TMEM8B: variants seen among roughly 807,000 people sequenced by gnomAD.
The protein encoded by TMEM8B is nasopharyngeal carcinoma expressed 6.
TMEM8B carries 29 observed loss-of-function variants against 49.3 expected under a neutral mutation model. The observed-to-expected ratio is 0.59, with a 90% CI of 0.44 to 0.80. The LOEUF (loss-of-function observed/expected upper bound fraction) is 0.80, where lower values mean the gene tolerates loss of function less well. Ranked by LOEUF, TMEM8B falls within the 30% of genes least tolerant of loss-of-function variation. TMEM8B has a pLI of 0.00. For missense variants in TMEM8B, 575 were observed against 658.5 expected (o/e 0.87, Z 1.39); for synonymous variants, 264 against 272.8 (o/e 0.97, Z 0.32).
intron 10 of TMEM8B, among the ~76,000 whole-genome samples, chr9:35,852,328 G>T (rs1832215197): frequency 6.6e-6 from 1 of 152,186 alleles, no homozygotes; most frequent in Non-Finnish European, 1.5e-5. Context: ...CCCCGCATTT[G>T]TTGGGAAGGG....
Position 35,854,037 on chromosome 9 carries a change from C to T in TMEM8B, c.*197C>T. 1.5e-6 allele frequency: 2 copies of T among 1,308,794 alleles called. No homozygotes were observed. The highest frequency in any genetic ancestry group is 1.9e-6 in the Non-Finnish European group (2 of 1,034,000). 81.1% of individuals were successfully genotyped at this position (1,308,794 alleles called of 1,614,324 possible). ...TTCCTGAGGGCCTGGAGTCCCCCTG[C>T]ATCATGGAGTCCTTCTTAAGGACTG... On this transcript the variant is annotated 3_prime_UTR_variant, in exon 13 of 13. Transcript: ENST00000643932.
chr9:35,835,198 C>T lies in TMEM8B; in HGVS notation c.886C>T (p.His296Tyr), dbSNP rs1410936490. 2.4e-6 allele frequency: 1 copy of T among 415,702 alleles called. No individual in the cohort carries two copies. Among genetic ancestry groups the T allele is most frequent in the Non-Finnish European group, 4.4e-6 (1 of 226,448 alleles). 25.8% of individuals were successfully genotyped at this position (415,702 alleles called of 1,614,324 possible). The change falls in exon 3 of 13, where the codon CAC (histidine) becomes TAC (tyrosine). Residue 296 changes from histidine (H) to tyrosine (Y), a missense_variant. Coordinates refer to ENST00000643932, the MANE Select transcript of TMEM8B (RefSeq NM_001042590.4). ...WFLAAHLPQAHGHISVKGLQD... is the reference protein window; with the variant it reads ...WFLAAHLPQAYGHISVKGLQD... ...CTTGGCTGCCCACCTTCCCCAGGCC[C>T]ACGGCCACATCTCTGTCAAGGTGGG...
intron 6 of TMEM8B, among the ~76,000 whole-genome samples, chr9:35,844,671 G>A (rs1330291415): frequency 1.3e-5 from 2 of 152,154 alleles, no homozygotes; most frequent in Non-Finnish European, 2.9e-5. Flanking sequence ...ATCTTGATTC[G>A]ACCTTGAAAC....
intron 1 of TMEM8B, among the ~76,000 whole-genome samples, chr9:35,831,607 A>G (rs1452044921): frequency 6.6e-6 from 1 of 152,206 alleles, no homozygotes; most frequent in Non-Finnish European, 1.5e-5. Flanking sequence ...TGTTGGGCCA[A>G]GTTCCTAGCT....
Position 35,864,319 on chromosome 9 carries a change from A to G in TMEM8B, c.*10479A>G, listed in dbSNP as rs1832698695. 1 of 152,328 alleles carries G rather than the reference A, an allele frequency of 6.6e-6. No individual in the cohort carries two copies. The highest frequency in any genetic ancestry group is 6.5e-5 in the Admixed American group (1 of 15,304). 9.4% of individuals were successfully genotyped at this position (152,328 alleles called of 1,614,324 possible). A position where few individuals can be genotyped will look rare whatever the true frequency, so the allele number is the denominator to read the frequency against. ...TGGTAAATCTAATTTTAACCACTTA[A>G]TACTTATTTTAGGCTTCACAAATTA... is the stretch of plus-strand genomic sequence containing the variant. On this transcript the variant is annotated 3_prime_UTR_variant, in exon 13 of 13. Coordinates refer to ENST00000643932, the MANE Select transcript of TMEM8B (RefSeq NM_001042590.4).
Position 35,853,993 on chromosome 9 carries a change from T to C in TMEM8B, c.*153T>C. The C allele has an allele frequency of 7.4e-7, 1 of 1,351,106 alleles. No homozygotes were observed. The highest frequency in any genetic ancestry group is 9.5e-7 in the Non-Finnish European group (1 of 1,056,938). 83.7% of individuals were successfully genotyped at this position (1,351,106 alleles called of 1,614,324 possible). ...AAACTCTTCCAGGGACCTGGAGCCC[T>C]TCCCAGGACATGGAGAACTTCCTGA... is the stretch of plus-strand genomic sequence containing the variant. On this transcript the variant is annotated 3_prime_UTR_variant, in exon 13 of 13. Coordinates refer to ENST00000643932, the MANE Select transcript of TMEM8B (RefSeq NM_001042590.4). The surrounding 1 kb of genome is among the most constrained non-coding windows in gnomAD (Gnocchi z 4.2).
At chr9:35,830,367 C>A (rs1172826580) in intron 1 of TMEM8B, among the ~76,000 whole-genome samples, 1 of 152,158 alleles carries the variant, frequency 6.6e-6, no homozygotes, top group Admixed American at 6.5e-5. Flanking sequence ...TGCATTCAAA[C>A]GGCATGAAGA....
chr9:35,838,862 A>T (rs1337011688), intron 3 of TMEM8B, among the ~76,000 whole-genome samples: 2 of 152,212 alleles, frequency 1.3e-5, no homozygotes, highest in African/African-American at 2.4e-5. Flanking sequence ...GTAAAGAAAA[A>T]GTCTTGTTGA....
rs770405579 is a variant in TMEM8B, at chr9:35,842,651, C to T, written c.1569C>T (p.Phe523=). 48 of 1,614,060 alleles carry T rather than the reference C, an allele frequency of 3.0e-5. No individual in the cohort carries two copies. Among genetic ancestry groups the T allele is most frequent in the African/African-American group, 4.0e-5 (3 of 74,936 alleles). ...VALPPERPAV[F]AMRLLPVLDS... is the part of the protein sequence containing the mutation. ...TTCCCCCTGAGCGCCCAGCCGTGTT[C>T]GCCATGAGGCTGTTGCCAGTGCTGG... Residue 523 remains phenylalanine (F), a synonymous_variant, in exon 6 of 13, where the codon TTC becomes TTT. Coordinates refer to ENST00000643932, the MANE Select transcript of TMEM8B (RefSeq NM_001042590.4). This position sits in a 1 kb window ranked among gnomAD's most constrained non-coding sequence, Gnocchi z 5.6.
At position 35,857,053 on chromosome 9, in the gene TMEM8B, A is replaced by T. The variant is rs1433994854; in HGVS notation, c.*3213A>T. 6.6e-6 allele frequency: 1 copy of T among 152,194 alleles called. No individual in the cohort carries two copies. Among genetic ancestry groups the T allele is most frequent in the African/African-American group, 2.4e-5 (1 of 41,432 alleles). 9.4% of individuals were successfully genotyped at this position (152,194 alleles called of 1,614,324 possible). ...TTGAATACAGGGCTGTGGCTGGCAG[A>T]TATTGCTGTACCCTTGCATGTATCT... On this transcript the variant is annotated 3_prime_UTR_variant, in exon 13 of 13. Coordinates refer to ENST00000643932, the MANE Select transcript of TMEM8B (RefSeq NM_001042590.4).
chr9:35,849,599 G>A (rs1379868266), intron 10 of TMEM8B, among the ~76,000 whole-genome samples: 1 of 152,162 alleles, frequency 6.6e-6, no homozygotes, highest in Non-Finnish European at 1.5e-5. Flanking sequence ...ATCTGGGTGA[G>A]CCTGACTCCA....
chr9:35,832,158 T>C (rs529482767), intron 1 of TMEM8B, among the ~76,000 whole-genome samples: 1 of 145,066 alleles, frequency 6.9e-6, no homozygotes, highest in Admixed American at 7.1e-5. Flanking sequence ...CCTATGTGTG[T>C]AGGTGTAGGG....
chr9:35,839,611 G>A (rs931510050), intron 3 of TMEM8B, among the ~76,000 whole-genome samples: 8 of 152,172 alleles, frequency 5.3e-5, no homozygotes, highest in South Asian at 2.1e-4. Flanking sequence ...ACTCCAAAAC[G>A]TGGAGCAAAG....
At chr9:35,839,928 C>G (rs750084602) in intron 3 of TMEM8B, among the ~76,000 whole-genome samples, 8 of 152,214 alleles carry the variant, frequency 5.3e-5, no homozygotes, top group Non-Finnish European at 1.0e-4. Flanking sequence ...CACAGACCTT[C>G]CAGCCTTTTG....
In TMEM8B at chr9:35,859,022, CA is replaced by C. The variant is rs1203981375; in HGVS notation, c.*5183del. 1 of 152,834 alleles carries C rather than the reference CA, an allele frequency of 6.5e-6. No individual in the cohort carries two copies. The highest frequency in any genetic ancestry group is 2.4e-5 in the African/African-American group (1 of 41,464). The allele number at this position is 152,834 out of a possible 1,614,324, so 9.5% of individuals were successfully genotyped here. A position where few individuals can be genotyped will look rare whatever the true frequency, so the allele number is the denominator to read the frequency against. On this transcript the variant is annotated 3_prime_UTR_variant, in exon 13 of 13. Coordinates refer to ENST00000643932, the MANE Select transcript of TMEM8B (RefSeq NM_001042590.4). ...GCACAACCTAGCCTATGCCAGCTGACAGGGGCAGAGGGCAGCAGTAGCAGTG... is the reference window on the plus strand; with the variant it reads ...GCACAACCTAGCCTATGCCAGCTGACGGGGCAGAGGGCAGCAGTAGCAGTG...
intron 3 of TMEM8B, among the ~76,000 whole-genome samples, chr9:35,836,986 G>C (rs207470215): frequency 6.6e-6 from 1 of 152,162 alleles, no homozygotes; most frequent in Non-Finnish European, 1.5e-5. Flanking sequence ...GTCCTCAAAG[G>C]GTTCTTCAGC....
rs547813896 is a variant in TMEM8B at position 35,864,754 on chromosome 9, A to T, written c.*10914A>T. On this transcript the variant is annotated 3_prime_UTR_variant, in exon 13 of 13. Transcript: ENST00000643932. ...TTCTTGAGAATAAGCAATGGGTCAG[A>T]TGAAATCTCCTTACCTCTCACCTAC... 6.6e-6 allele frequency: 1 copy of T among 152,382 alleles called. No homozygotes were observed. Among genetic ancestry groups the T allele is most frequent in the South Asian group, 2.1e-4 (1 of 4,832 alleles). The allele number at this position is 152,382 out of a possible 1,614,324, so 9.4% of individuals were successfully genotyped here.
Position 35,841,395 on chromosome 9 carries a change from C to T in TMEM8B, c.1040+128C>T. On this transcript the variant is annotated intron_variant, in intron 4 of 12. Transcript: ENST00000643932. This position sits in a 1 kb window ranked among gnomAD's most constrained non-coding sequence, Gnocchi z 5.9. ...GGTGGGATCCCTGCCTCCCTCCCTC[C>T]CAGCACAGAGCGGGAGACCTGAACA... 1 of 412,256 alleles carries T rather than the reference C, an allele frequency of 2.4e-6. No individual in the cohort carries two copies. 25.5% of individuals were successfully genotyped at this position (412,256 alleles called of 1,614,324 possible). A position where few individuals can be genotyped will look rare whatever the true frequency, so the allele number is the denominator to read the frequency against.
Position 35,862,517 on chromosome 9 carries a change from T to C in TMEM8B, c.*8677T>C, listed in dbSNP as rs1832669693. On this transcript the variant is annotated 3_prime_UTR_variant, in exon 13 of 13. Transcript: ENST00000643932. ...ACCAAGTGGGCCTGGCGGAGGCATTTGAGGGCTTTTGTGTGTGCAGGCTCT... is the reference window on the plus strand; with the variant it reads ...ACCAAGTGGGCCTGGCGGAGGCATTCGAGGGCTTTTGTGTGTGCAGGCTCT... 1 of 152,300 alleles carries C rather than the reference T, an allele frequency of 6.6e-6. No individual in the cohort carries two copies. The highest frequency in any genetic ancestry group is 2.1e-4 in the South Asian group (1 of 4,830). The allele number at this position is 152,300 out of a possible 1,614,324, so 9.4% of individuals were successfully genotyped here.
Sources: gnomAD v4.1 joint callset for allele counts (sites outside exome capture counted in the v4.1 genomes callset) on GRCh38, gnomAD v4.1.1 for gene constraint, Gnocchi (gnomAD v3.1) non-coding constraint, MANE v1.5 for transcripts, NCBI Gene and HGNC (gene_info 2026-07-23, HGNC 2026-07-21) for gene names.